Variants in CAMK2D observed in about 807,000 individuals in gnomAD.
CAMK2D encodes calcium/calmodulin dependent protein kinase II delta.
In CAMK2D, 37 loss-of-function variants were observed where a neutral mutation model predicts 84.0. The observed-to-expected ratio is 0.44, with a 90% CI of 0.34 to 0.58. CAMK2D has a LOEUF of 0.58. Among genes scored for constraint, CAMK2D ranks in the 20% least tolerant of loss-of-function variants. The pLI, the probability that CAMK2D is intolerant of heterozygous loss-of-function variation, is 0.02. For synonymous variants in CAMK2D, 202 were observed against 212.5 expected, an observed-to-expected ratio of 0.95 and a Z score of 0.43; for missense variants, 448 against 652.5, an observed-to-expected ratio of 0.69 and a Z score of 3.41.
chr4:113,571,357 A>G (rs2154221557), intron 4 of CAMK2D, among the ~76,000 whole-genome samples: 1 of 152,348 alleles, frequency 6.6e-6, no homozygotes, highest in African/African-American at 2.4e-5. Context: ...TCACTGCAGC[A>G]TTAACAATAG....
At chr4:113,705,200 G>A (rs956818461) in intron 2 of CAMK2D, among the ~76,000 whole-genome samples, 7 of 150,872 alleles carry the variant, frequency 4.6e-5, no homozygotes, top group African/African-American at 7.3e-5. Context: ...GGAGGCAGGC[G>A]CCTGTAGTCC....
At chr4:113,629,039 ATATAT>A (rs2099078689) in intron 3 of CAMK2D, among the ~76,000 whole-genome samples, 5 of 151,058 alleles carry the variant, frequency 3.3e-5, no homozygotes, top group African/African-American at 1.2e-4. Flanking sequence ...GCAGTAAAAT[ATATAT>A]ATATATATAA....
chr4:113,708,064 G>A (rs1333743688), intron 2 of CAMK2D, among the ~76,000 whole-genome samples: 1 of 152,092 alleles, frequency 6.6e-6, no homozygotes, highest in Non-Finnish European at 1.5e-5. Flanking sequence ...AAGTGGGAAA[G>A]TATAAGTATA....
At chr4:113,578,494 C>T (rs1279905666) in intron 4 of CAMK2D, among the ~76,000 whole-genome samples, 1 of 152,124 alleles carries the variant, frequency 6.6e-6, no homozygotes, top group African/African-American at 2.4e-5. Flanking sequence ...AAGTGTATTG[C>T]TTTAAGTTAT....
chr4:113,675,826 C>T (rs1330380059), intron 2 of CAMK2D, among the ~76,000 whole-genome samples: 1 of 151,992 alleles, frequency 6.6e-6, no homozygotes, highest in East Asian at 1.9e-4. Context: ...ATAATTTATC[C>T]CTATGCTTTA....
intron 3 of CAMK2D, among the ~76,000 whole-genome samples, chr4:113,640,477 T>A (rs79005551): frequency 7.9e-5 from 12 of 152,116 alleles, no homozygotes; most frequent in Non-Finnish European, 1.5e-4. Context: ...CAAGACAGAC[T>A]CAATCCCCAT....
In CAMK2D at chr4:113,543,884, T is replaced by C. The variant is rs576960778; in HGVS notation, c.414+3760A>G. 1.0e-3 allele frequency among the ~76,000 whole-genome samples: 153 copies of C among 152,074 alleles called. 1 individual carries two copies. The South Asian group carries it at 0.012, about 12-fold the overall frequency. ...TCTGCTCACTGCAAGCTCCGCCTCC[T>C]GGGTTCATGCCATTCTCCTGCCTCA... is the stretch of plus-strand genomic sequence containing the variant. On this transcript the variant is annotated intron_variant, in intron 6 of 20. Transcript: ENST00000511664.
At chr4:113,725,227 A>G (rs2099542437) in intron 2 of CAMK2D, among the ~76,000 whole-genome samples, 1 of 152,062 alleles carries the variant, frequency 6.6e-6, no homozygotes, top group Admixed American at 6.6e-5. Flanking sequence ...TGTATATATA[A>G]CTATGTATAT....
intron 18 of CAMK2D, among the ~76,000 whole-genome samples, chr4:113,458,878 T>C (rs2097336729): frequency 6.6e-6 from 1 of 152,208 alleles, no homozygotes; most frequent in Non-Finnish European, 1.5e-5. Context: ...GCAAAAATAG[T>C]AAATTCCCTT....
At chr4:113,526,414 ATGTGTGTGTG>A (rs35503858) in intron 8 of CAMK2D, among the ~76,000 whole-genome samples, 6 of 149,678 alleles carry the variant, frequency 4.0e-5, no homozygotes, top group South Asian at 2.1e-4. Flanking sequence ...GTCATTCTTG[ATGTGTGTGTG>A]TGTGTGTGTG....
chr4:113,669,553 A>C (rs2099271275), intron 2 of CAMK2D, among the ~76,000 whole-genome samples: 1 of 151,804 alleles, frequency 6.6e-6, no homozygotes, highest in East Asian at 2.0e-4. Context: ...GATGGGCAGG[A>C]AACTCTGATT....
chr4:113,500,121 A>G (rs569956794), intron 16 of CAMK2D, among the ~76,000 whole-genome samples: 1 of 152,268 alleles, frequency 6.6e-6, no homozygotes, highest in Non-Finnish European at 1.5e-5. Flanking sequence ...AATGTACCCA[A>G]TGTGTATACA....
chr4:113,714,816 G>GT (rs1297661091), intron 2 of CAMK2D, among the ~76,000 whole-genome samples: 1 of 152,096 alleles, frequency 6.6e-6, no homozygotes, highest in African/African-American at 2.4e-5. Context: ...AATAAAATGT[G>GT]TATGTTTTTC....
chr4:113,657,904 A>C (rs79531433), intron 3 of CAMK2D, among the ~76,000 whole-genome samples: 7,226 of 152,272 alleles, frequency 0.047, 554 homozygotes, highest in African/African-American at 0.16. Flanking sequence ...GGAAATAATA[A>C]AATAGAGAAC....
chr4:113,558,477 A>G (rs1184342083), intron 4 of CAMK2D, among the ~76,000 whole-genome samples: 1 of 151,936 alleles, frequency 6.6e-6, no homozygotes, highest in African/African-American at 2.4e-5. Context: ...CCAACTGAGG[A>G]TCAAAAATAT....
intron 16 of CAMK2D, among the ~76,000 whole-genome samples, chr4:113,491,397 T>G (rs1339743381): frequency 6.9e-6 from 1 of 144,320 alleles, no homozygotes; most frequent in Non-Finnish European, 1.5e-5. Flanking sequence ...TCTATTGAGA[T>G]AATCATGTGG....
intron 16 of CAMK2D, among the ~76,000 whole-genome samples, chr4:113,470,289 A>ACCC (rs201769349): frequency 2.3e-4 from 34 of 149,044 alleles, no homozygotes; most frequent in African/African-American, 8.2e-4. Flanking sequence ...GGAAAACTGC[A>ACCC]CCCCCCCCAT....
intron 4 of CAMK2D, among the ~76,000 whole-genome samples, chr4:113,568,397 G>A (rs949985552): frequency 6.6e-6 from 1 of 152,168 alleles, no homozygotes; most frequent in Non-Finnish European, 1.5e-5. Flanking sequence ...GTTGTGGCAT[G>A]TGTCAGAATT....
intron 2 of CAMK2D, among the ~76,000 whole-genome samples, chr4:113,699,240 G>A (rs1487012013): frequency 6.6e-6 from 1 of 152,066 alleles, no homozygotes; most frequent in Non-Finnish European, 1.5e-5. Context: ...AAAACCATAT[G>A]AAAAATGGCT....
Sources: allele counts gnomAD v4.1 joint callset (sites outside exome capture counted in the v4.1 genomes callset), GRCh38; gene constraint gnomAD v4.1.1; transcripts MANE v1.5; gene names NCBI Gene and HGNC (gene_info 2026-07-23, HGNC 2026-07-21).